ARIH2: variants seen among roughly 807,000 people sequenced by gnomAD.
ARIH2 encodes ariadne RBR E3 ubiquitin protein ligase 2, also known as E3 ubiquitin-protein ligase ARIH2.
Under a neutral mutation model 79.8 loss-of-function variants are expected in ARIH2, and 12 were observed. The ratio of observed to expected loss-of-function variants is 0.15; its 90% CI spans 0.10 to 0.24. The LOEUF is 0.24. Among genes scored for constraint, ARIH2 ranks in the 10% least tolerant of loss-of-function variants. The pLI, the probability that ARIH2 is intolerant of heterozygous loss-of-function variation, is 1.00. For synonymous variants in ARIH2, 224 were observed against 213.9 expected, an observed-to-expected ratio of 1.05 and a Z score of -0.41; for missense variants, 301 against 618.3, an observed-to-expected ratio of 0.49 and a Z score of 5.44.
chr3:48,956,439 CTTTTTTTTTTTTTTTTTTTTTT>C (rs34693818), intron 3 of ARIH2, among the ~76,000 whole-genome samples: 1 of 36,256 alleles, frequency 2.8e-5, no homozygotes, highest in African/African-American at 1.1e-4. Flanking sequence ...GCGCCCGGCA[CTTTTTTTTTTTTTTTTTTTTTT>C]TTTTTTTTTT....
intron 1 of ARIH2, 60 bp from the exon 2 acceptor site, chr3:48,922,684 AAAAT>A (rs1415330408): frequency 6.6e-6 from 1 of 152,214 alleles, no homozygotes. Context: ...CTTTAAAAAA[AAAAT>A]AAACTTGCAA....
In ARIH2 at chr3:48,985,674, C is replaced by G. The variant is rs1475871214; in HGVS notation, c.*2404C>G. 1 of 152,122 alleles carries G rather than the reference C, an allele frequency of 6.6e-6. No individual in the cohort carries two copies. Among genetic ancestry groups the G allele is most frequent in the African/African-American group, 2.4e-5 (1 of 41,414 alleles). The allele number at this position is 152,122 out of a possible 1,614,324, so 9.4% of individuals were successfully genotyped here. The stretch of plus-strand genomic sequence containing the variant: ...AGAGGGCTGTGGAGGCCCCAGTGGC[C>G]AAACTCGGCTCTGTTTTCCCTTTCT... On this transcript the variant is annotated 3_prime_UTR_variant, in exon 16 of 16. Transcript: ENST00000356401.
intron 3 of ARIH2, among the ~76,000 whole-genome samples, chr3:48,941,593 C>CTTTTTT (rs1421452514): frequency 1.5e-5 from 2 of 135,650 alleles, no homozygotes; most frequent in African/African-American, 5.3e-5. Context: ...CTTTTCTTTT[C>CTTTTTT]TTTTTTTTTT....
At chr3:48,931,755 G>A (rs1321065253) in intron 3 of ARIH2, among the ~76,000 whole-genome samples, 1 of 152,074 alleles carries the variant, frequency 6.6e-6, no homozygotes, top group Admixed American at 6.6e-5. Flanking sequence ...GGTGGCTCAC[G>A]CCTGTAATCC....
chr3:48,969,884 A>G (rs563720244), intron 7 of ARIH2, among the ~76,000 whole-genome samples: 144 of 149,484 alleles, frequency 9.6e-4, no homozygotes, highest in South Asian at 1.5e-3. Context: ...TGAGCTCCTC[A>G]GATATATGTT....
At chr3:48,936,951 C>G (rs1288750932) in intron 3 of ARIH2, among the ~76,000 whole-genome samples, 2 of 151,856 alleles carry the variant, frequency 1.3e-5, no homozygotes, top group Admixed American at 6.6e-5. Context: ...TGGCGTGAAC[C>G]CGGGAGGTGG....
intron 1 of ARIH2, among the ~76,000 whole-genome samples, chr3:48,919,938 A>G (rs1253614721): frequency 6.7e-6 from 1 of 150,330 alleles, no homozygotes; most frequent in African/African-American, 2.5e-5. Context: ...GTTGGTTGTT[A>G]GGTCCCCTGA....
chr3:48,971,472 T>A (rs1359295942), intron 8 of ARIH2, among the ~76,000 whole-genome samples: 1 of 152,246 alleles, frequency 6.6e-6, no homozygotes, highest in Non-Finnish European at 1.5e-5. Flanking sequence ...CTCAAACTCC[T>A]GACCTCGTGA....
In ARIH2 at chr3:48,983,386, T is replaced by A; in HGVS notation, c.*116T>A. ...CCCCAGGCAACAGCCAGGGCCCCAC[T>A]CCTGAGAGACACTGGCAACACCTCT... On this transcript the variant is annotated 3_prime_UTR_variant, in exon 16 of 16. Transcript: ENST00000356401. 1 of 937,556 alleles carries A rather than the reference T, an allele frequency of 1.1e-6. No homozygotes were observed. The highest frequency in any genetic ancestry group is 1.4e-5 in the South Asian group (1 of 73,912). The allele number at this position is 937,556 out of a possible 1,614,324, so 58.1% of individuals were successfully genotyped here. A position where few individuals can be genotyped will look rare whatever the true frequency, so the allele number is the denominator to read the frequency against.
intron 3 of ARIH2, among the ~76,000 whole-genome samples, chr3:48,942,052 A>ATTT (rs35777653): frequency 3.6e-5 from 5 of 138,440 alleles, no homozygotes; most frequent in South Asian, 2.3e-4. Flanking sequence ...TACCTGGCTA[A>ATTT]TTTTTTTTTT....
intron 3 of ARIH2, among the ~76,000 whole-genome samples, chr3:48,937,731 G>A (rs1298517507): frequency 1.3e-5 from 2 of 151,996 alleles, no homozygotes; most frequent in Non-Finnish European, 2.9e-5. Context: ...TTTTCATGAA[G>A]CCAGCTGACC....
intron 11 of ARIH2, among the ~76,000 whole-genome samples, chr3:48,978,415 TTGTGTATGTGTGTGTGTG>T (rs1217852507): frequency 4.1e-4 from 37 of 90,696 alleles, no homozygotes; most frequent in East Asian, 3.1e-3. Flanking sequence ...CCTGGCTAAT[TTGTGTATGTGTGTGTGTG>T]TGTGTGTGTG....
intron 4 of ARIH2, among the ~76,000 whole-genome samples, chr3:48,964,408 C>T (rs1171864301): frequency 6.6e-6 from 1 of 151,996 alleles, no homozygotes; most frequent in Non-Finnish European, 1.5e-5. Flanking sequence ...CTCTGCCTCC[C>T]GGGTTCGAAC....
chr3:48,956,481 A>G (rs2090598545), intron 3 of ARIH2, among the ~76,000 whole-genome samples: 1 of 87,750 alleles, frequency 1.1e-5, no homozygotes, highest in Non-Finnish European at 2.1e-5. Context: ...TTTAAGAGAC[A>G]GGGTTTTGCT....
intron 3 of ARIH2, among the ~76,000 whole-genome samples, chr3:48,950,741 A>G (rs2089839843): frequency 6.6e-6 from 1 of 152,216 alleles, no homozygotes; most frequent in Admixed American, 6.5e-5. Context: ...AGAATGAAAC[A>G]AAGGATAAAA....
chr3:48,935,183 A>G (rs1222645835), intron 3 of ARIH2, among the ~76,000 whole-genome samples: 8 of 152,230 alleles, frequency 5.3e-5, no homozygotes, highest in African/African-American at 1.7e-4. Context: ...TTGAGAACCT[A>G]CTACGCCTCC....
At chr3:48,971,960 T>C (rs1400565803) in intron 8 of ARIH2, among the ~76,000 whole-genome samples, 1 of 152,176 alleles carries the variant, frequency 6.6e-6, no homozygotes, top group Non-Finnish European at 1.5e-5. Context: ...CGACGAATAT[T>C]GGAGTGTCTT....
intron 3 of ARIH2, among the ~76,000 whole-genome samples, chr3:48,942,346 C>T (rs1379176759): frequency 2.6e-5 from 4 of 152,134 alleles, no homozygotes; most frequent in Admixed American, 2.0e-4. Flanking sequence ...CCACTACGTC[C>T]AGCCAAGCCT....
chr3:48,982,400 ATTCTTTCT>A (rs200280973), intron 14 of ARIH2, among the ~76,000 whole-genome samples: 3 of 152,162 alleles, frequency 2.0e-5, no homozygotes, highest in Non-Finnish European at 2.9e-5. Context: ...TGGGACATTT[ATTCTTTCT>A]TTCTTTCACT....
Sources: allele counts gnomAD v4.1 joint callset (sites outside exome capture counted in the v4.1 genomes callset), GRCh38; gene constraint gnomAD v4.1.1; transcripts MANE v1.5; gene names NCBI Gene and HGNC (gene_info 2026-07-23, HGNC 2026-07-21).